Variants in ZNF486 observed in about 807,000 individuals in gnomAD.
The protein encoded by ZNF486 is KRAB box only protein 2.
A neutral mutation model predicts 12.8 loss-of-function variants in ZNF486; 12 were observed. The observed-to-expected ratio is 0.94, with a 90% CI of 0.60 to 1.52. ZNF486 has a LOEUF of 1.52. Ranked by LOEUF, ZNF486 falls within the 40% of genes most tolerant of loss-of-function variation. The pLI is 0.00. For synonymous variants in ZNF486, 231 were observed against 184.9 expected (o/e 1.25, Z -2.02); for missense variants, 738 against 545.0 (o/e 1.35, Z -3.53).
intron 1 of ZNF486, chr19:20,175,031 A>T (rs916956609): frequency 6.6e-6 from 1 of 152,200 alleles, no homozygotes; most frequent in Non-Finnish European, 1.5e-5. Flanking sequence ...TGTTGTTGGA[A>T]GTTGTCAGAT....
chr19:20,187,660 C>A (rs997607733), intron 3 of ZNF486, among the ~76,000 whole-genome samples: 1 of 151,950 alleles, frequency 6.6e-6, no homozygotes, highest in Non-Finnish European at 1.5e-5. Context: ...CACCACCACA[C>A]CCGGCTAATT....
At chr19:20,169,026 A>C (rs1313068529) in intron 1 of ZNF486, among the ~76,000 whole-genome samples, 1 of 149,812 alleles carries the variant, frequency 6.7e-6, no homozygotes, top group Non-Finnish European at 1.5e-5. Flanking sequence ...TTTTTAGCAG[A>C]GACGGGGTTT....
In ZNF486 at chr19:20,197,782, G is replaced by C; in HGVS notation, c.1072G>C (p.Ala358Pro). ...KPYKCEECGK[A>P]FTRSSHLTMH... is the part of the protein sequence containing the mutation. ...CTACAAATGTGAAGAATGTGGCAAA[G>C]CCTTCACCCGCTCCTCACACCTTAC... Residue 358 changes from alanine to proline, a missense_variant, in exon 4 of 4, where the codon GCC becomes CCC. Ala to Pro is a conservative substitution (Grantham distance 27). Coordinates refer to ENST00000335117, the MANE Select transcript of ZNF486 (RefSeq NM_052852.4). 1 of 1,613,784 alleles carries C rather than the reference G, an allele frequency of 6.2e-7. No individual in the cohort carries two copies. The highest frequency in any genetic ancestry group is 8.5e-7 in the Non-Finnish European group (1 of 1,179,924).
chr19:20,188,313 A>AT (rs1263508291), intron 3 of ZNF486: 24 of 395,808 alleles, frequency 6.1e-5, no homozygotes, highest in South Asian at 2.6e-4. Context: ...ATAATTCTGG[A>AT]TTTTTTTTCA....
intron 1 of ZNF486, among the ~76,000 whole-genome samples, chr19:20,178,394 C>T (rs2089747364): frequency 6.6e-6 from 1 of 152,074 alleles, no homozygotes. Context: ...CAGGCTCCCA[C>T]CACCACACCT....
chr19:20,167,484 G>C, intron 1 of ZNF486, 124 bp downstream of exon 1: 3 of 1,170,044 alleles, frequency 2.6e-6, no homozygotes, highest in Non-Finnish European at 3.7e-6. Context: ...TCCTTACCCA[G>C]CTCGGCCTCA....
chr19:20,173,401 C>G (rs1440788365), intron 1 of ZNF486, among the ~76,000 whole-genome samples: 3 of 152,132 alleles, frequency 2.0e-5, no homozygotes, highest in Non-Finnish European at 4.4e-5. Context: ...GCTCTCTATT[C>G]TATTTCATTG....
At chr19:20,182,157 C>A (rs145341224) in intron 1 of ZNF486, among the ~76,000 whole-genome samples, 2 of 152,134 alleles carry the variant, frequency 1.3e-5, no homozygotes, top group African/African-American at 2.4e-5. Context: ...ATGTAAGGGA[C>A]CCTGTGCTGT....
chr19:20,177,880 C>T (rs374699990), intron 1 of ZNF486, among the ~76,000 whole-genome samples: 56 of 148,220 alleles, frequency 3.8e-4, no homozygotes, highest in Admixed American at 1.4e-3. Flanking sequence ...CCAGCCAAAA[C>T]GTTTTCTTTC....
chr19:20,194,576 A>G (rs1038654704), intron 3 of ZNF486, among the ~76,000 whole-genome samples: 6 of 152,286 alleles, frequency 3.9e-5, no homozygotes, highest in Admixed American at 3.9e-4. Flanking sequence ...AAAATACAAA[A>G]AAGTAGCCAG....
At chr19:20,179,526 C>T (rs2089761574) in intron 1 of ZNF486, among the ~76,000 whole-genome samples, 1 of 152,040 alleles carries the variant, frequency 6.6e-6, no homozygotes, top group Admixed American at 6.5e-5. Flanking sequence ...GTTAGAGCAG[C>T]CTCTATGAGA....
intron 1 of ZNF486, among the ~76,000 whole-genome samples, chr19:20,179,867 TGA>T (rs781996418): frequency 6.6e-6 from 1 of 152,036 alleles, no homozygotes; most frequent in Non-Finnish European, 1.5e-5. Flanking sequence ...ATCTTAGGAG[TGA>T]GAGATCAAGG....
chr19:20,198,088 A>C lies in ZNF486; in HGVS notation c.1378A>C (p.Lys460Gln), dbSNP rs1460255989. The change falls in exon 4 of 4, where the codon AAA (lysine) becomes CAA (glutamine). Residue 460 changes from lysine (K) to glutamine (Q), a missense_variant. Physicochemically the swap from Lys to Gln is moderately conservative, Grantham distance 53. Coordinates refer to ENST00000335117, the MANE Select transcript of ZNF486 (RefSeq NM_052852.4). ...NKHKRIHIGQ[K>Q]PRT is the part of the protein sequence containing the mutation. ...ACATAAGAGAATTCATATTGGACAG[A>C]AACCAAGAACGTGACAAAGGATTAT... 1 of 1,590,470 alleles carries C rather than the reference A, an allele frequency of 6.3e-7. No homozygotes were observed. The highest frequency in any genetic ancestry group is 8.6e-7 in the Non-Finnish European group (1 of 1,169,144).
chr19:20,174,666 G>C (rs1270278890), intron 1 of ZNF486, among the ~76,000 whole-genome samples: 4 of 152,104 alleles, frequency 2.6e-5, no homozygotes, highest in African/African-American at 9.7e-5. Context: ...TAAGATTACA[G>C]GTGTGAGCCA....
At chr19:20,173,097 G>A (rs1351685372) in intron 1 of ZNF486, among the ~76,000 whole-genome samples, 3 of 152,176 alleles carry the variant, frequency 2.0e-5, no homozygotes, top group Non-Finnish European at 2.9e-5. Flanking sequence ...TTTTGCTTTT[G>A]TTGCAGTTGC....
At chr19:20,188,143 TGTGG>T (rs782570223) in intron 3 of ZNF486, among the ~76,000 whole-genome samples, 2 of 152,168 alleles carry the variant, frequency 1.3e-5, no homozygotes, top group Non-Finnish European at 2.9e-5. Context: ...CTCAGATAAC[TGTGG>T]GTTTCTATAT....
In ZNF486 at chr19:20,168,157, C is replaced by G. The variant is rs2089605726; in HGVS notation, c.30+797C>G. 2.7e-5 allele frequency among the ~76,000 whole-genome samples: 4 copies of G among 150,260 alleles called. No homozygotes were observed. The East Asian group carries it at 8.0e-4, about 30-fold the overall frequency. On this transcript the variant is annotated intron_variant, in intron 1 of 3. Transcript: ENST00000335117. ...CGGGAGGATCTTGTGGTCAGGAGTTCTAGACCATCCTGGCCAACACCGTGA... is the reference window on the plus strand; with the variant it reads ...CGGGAGGATCTTGTGGTCAGGAGTTGTAGACCATCCTGGCCAACACCGTGA...
Position 20,197,251 on chromosome 19 carries a change from C to A in ZNF486, c.541C>A (p.Pro181Thr). ...TAAAAGAAGACATACTGAAAAAAAA[C>A]CTTTGAAATATATAGAAGGTGACAA... ...RHKRRHTEKK[P>T]LKYIEGDKAF... is the part of the protein sequence containing the mutation. The change falls in exon 4 of 4, where the codon CCT becomes ACT. Residue 181 changes from proline (P) to threonine (T), a missense_variant. By Grantham distance (38) the Pro-to-Thr change is conservative. Coordinates refer to ENST00000335117, the MANE Select transcript of ZNF486 (RefSeq NM_052852.4). The A allele has an allele frequency of 6.2e-7, 1 of 1,611,558 alleles. No individual in the cohort carries two copies. The highest frequency in any genetic ancestry group is 8.5e-7 in the Non-Finnish European group (1 of 1,179,378).
intron 1 of ZNF486, among the ~76,000 whole-genome samples, chr19:20,181,111 C>T (rs868978340): frequency 1.3e-5 from 2 of 152,020 alleles, no homozygotes; most frequent in East Asian, 3.9e-4. Flanking sequence ...TTTTTGGAGG[C>T]GTTATTTAGG....
Sources: gnomAD v4.1 joint callset for allele counts (sites outside exome capture counted in the v4.1 genomes callset) on GRCh38, gnomAD v4.1.1 for gene constraint, MANE v1.5 for transcripts, NCBI Gene and HGNC (gene_info 2026-07-23, HGNC 2026-07-21) for gene names.